RTL4: variants seen among roughly 807,000 people sequenced by gnomAD.
RTL4 encodes retrotransposon Gag like 4.
RTL4 carries 4 observed loss-of-function variants against 5.3 expected under a neutral mutation model. The observed-to-expected ratio is 0.75, with a 90% confidence interval of 0.37 to 1.72. The LOEUF (loss-of-function observed/expected upper bound fraction) is 1.72, where lower values mean the gene tolerates loss of function less well. RTL4 is among the 40% of genes most tolerant of loss of function. The pLI, the probability that RTL4 is intolerant of heterozygous loss-of-function variation, is 0.04. For missense variants in RTL4, 260 were observed against 227.1 expected, an observed-to-expected ratio of 1.14 and a Z score of -0.93; for synonymous variants, 98 against 87.3, an observed-to-expected ratio of 1.12 and a Z score of -0.68.
chrX:112,426,744 G>T, the RTL4 span, among the ~76,000 whole-genome samples: 3 of 111,031 alleles, frequency 2.7e-5, no homozygotes, highest in East Asian at 2.8e-4. Context: ...TGCAAAAAAA[G>T]AAGTTTTATT....
At chrX:112,194,637 C>A in the RTL4 span, among the ~76,000 whole-genome samples, 1 of 111,962 alleles carries the variant, frequency 8.9e-6, no homozygotes, top group South Asian at 3.7e-4. Flanking sequence ...CTGACCTTAA[C>A]CTGAAAATGT....
chrX:112,428,516 C>A, the RTL4 span, among the ~76,000 whole-genome samples: 1 of 111,818 alleles, frequency 8.9e-6, no homozygotes, highest in Admixed American at 9.5e-5. Context: ...GGTCTTAAAG[C>A]AGACATTGCA....
chrX:112,192,604 G>C, the RTL4 span, among the ~76,000 whole-genome samples: 1 of 110,955 alleles, frequency 9.0e-6, no homozygotes, highest in South Asian at 3.8e-4. Flanking sequence ...ATCCATTTCA[G>C]ATTAATACTA....
chrX:112,089,643 T>A, the RTL4 span, among the ~76,000 whole-genome samples: 1 of 111,916 alleles, frequency 8.9e-6, no homozygotes, highest in African/African-American at 3.2e-5. Context: ...TTTATTACTA[T>A]TATCTTTGAA....
chrX:112,122,748 G>A, the RTL4 span, among the ~76,000 whole-genome samples: 45 of 111,045 alleles, frequency 4.1e-4, 1 homozygote, highest in African/African-American at 1.4e-3. Context: ...TTTTTTCTAA[G>A]ATTGTATCCA....
chrX:112,233,963 C>G, the RTL4 span, among the ~76,000 whole-genome samples: 2 of 110,905 alleles, frequency 1.8e-5, no homozygotes, highest in African/African-American at 6.6e-5. Context: ...GAGGCCGAGG[C>G]AGGCAGATCG....
At chrX:112,355,198 TAAC>T in the RTL4 span, among the ~76,000 whole-genome samples, 1 of 111,642 alleles carries the variant, frequency 9.0e-6, no homozygotes, top group Non-Finnish European at 1.9e-5. Flanking sequence ...TAGGTTGTTT[TAAC>T]AACACTTCGA....
chrX:112,346,659 T>C, the RTL4 span, among the ~76,000 whole-genome samples: 1 of 110,722 alleles, frequency 9.0e-6, no homozygotes, highest in South Asian at 3.9e-4. Context: ...AAGGAATGGG[T>C]TTACTGAATA....
the RTL4 span, among the ~76,000 whole-genome samples, chrX:112,213,901 A>C: frequency 9.1e-6 from 1 of 110,258 alleles, no homozygotes; most frequent in African/African-American, 3.3e-5. Flanking sequence ...TATATATTTA[A>C]TGTATACAAC....
At chrX:112,095,864 G>A in the RTL4 span, among the ~76,000 whole-genome samples, 1 of 111,834 alleles carries the variant, frequency 8.9e-6, no homozygotes, top group Non-Finnish European at 1.9e-5. Flanking sequence ...TGCCATAGAT[G>A]TCACCCAAGG....
chrX:112,236,837 T>G, the RTL4 span, among the ~76,000 whole-genome samples: 1 of 111,019 alleles, frequency 9.0e-6, no homozygotes, highest in East Asian at 2.9e-4. Context: ...CCTTTGCACG[T>G]GTGATTAAGT....
the RTL4 span, among the ~76,000 whole-genome samples, chrX:112,206,266 C>T: frequency 9.0e-6 from 1 of 111,524 alleles, no homozygotes; most frequent in Non-Finnish European, 1.9e-5. Context: ...TTCTTTGATG[C>T]AGTACTCTAC....
At chrX:112,136,263 C>G in the RTL4 span, among the ~76,000 whole-genome samples, 3 of 111,605 alleles carry the variant, frequency 2.7e-5, no homozygotes, top group African/African-American at 9.7e-5. Context: ...AAGATTATTT[C>G]ATCTATGAAC....
the RTL4 span, among the ~76,000 whole-genome samples, chrX:112,102,126 A>G: frequency 9.0e-6 from 1 of 111,558 alleles, no homozygotes; most frequent in African/African-American, 3.2e-5. Flanking sequence ...ATGACACAAT[A>G]TAGTATAGGG....
the RTL4 span, among the ~76,000 whole-genome samples, chrX:112,142,722 C>T: frequency 8.9e-6 from 1 of 112,378 alleles, no homozygotes; most frequent in Non-Finnish European, 1.9e-5. Flanking sequence ...GTGTGTGTAA[C>T]TAGGATGTGG....
the RTL4 span, among the ~76,000 whole-genome samples, chrX:112,406,462 G>A: frequency 9.0e-6 from 1 of 110,872 alleles, no homozygotes; most frequent in Admixed American, 9.6e-5. Context: ...CAAATCTCAT[G>A]AGAATGAACT....
At chrX:112,324,687 C>G in the RTL4 span, among the ~76,000 whole-genome samples, 10 of 111,034 alleles carry the variant, frequency 9.0e-5, no homozygotes, top group African/African-American at 2.9e-4. Context: ...TTCTAATTTT[C>G]CTTATTTCTC....
At chrX:112,173,565 G>A in the RTL4 span, among the ~76,000 whole-genome samples, 1 of 111,372 alleles carries the variant, frequency 9.0e-6, no homozygotes, top group Non-Finnish European at 1.9e-5. Flanking sequence ...AGAGCTTAAA[G>A]GGATGCAGGG....
At chrX:112,270,868 C>T in the RTL4 span, among the ~76,000 whole-genome samples, 5 of 109,384 alleles carry the variant, frequency 4.6e-5, no homozygotes, top group Non-Finnish European at 9.5e-5. Context: ...AAAGAAGAGG[C>T]ATTTGAAGGG....
Sources: allele counts gnomAD v4.1 joint callset (sites outside exome capture counted in the v4.1 genomes callset), GRCh38; gene constraint gnomAD v4.1.1; transcripts MANE v1.5; gene names NCBI Gene and HGNC (gene_info 2026-07-23, HGNC 2026-07-21).